Variants in NXPH2 observed in about 807,000 individuals in gnomAD.
The protein encoded by NXPH2 is neurexophilin-2.
A neutral mutation model predicts 19.8 loss-of-function variants in NXPH2; 5 were observed. The observed-to-expected ratio is 0.25, with a 90% CI of 0.13 to 0.53. The LOEUF (loss-of-function observed/expected upper bound fraction) is 0.53, where lower values mean the gene tolerates loss of function less well. Ranked by LOEUF, NXPH2 falls within the 20% of genes least tolerant of loss-of-function variation. NXPH2 has a pLI of 0.96. For missense variants in NXPH2, 289 were observed against 322.8 expected, an observed-to-expected ratio of 0.90 and a Z score of 0.80; for synonymous variants, 154 against 127.4, an observed-to-expected ratio of 1.21 and a Z score of -1.41.
At chr2:138,775,245 C>T (rs1008313198) in intron 1 of NXPH2, among the ~76,000 whole-genome samples, 1 of 151,868 alleles carries the variant, frequency 6.6e-6, no homozygotes, top group African/African-American at 2.4e-5. Context: ...TATTATATAC[C>T]AATCTTACAG....
chr2:138,710,032 C>T (rs187072162), intron 1 of NXPH2, among the ~76,000 whole-genome samples: 9 of 152,286 alleles, frequency 5.9e-5, no homozygotes, highest in Admixed American at 5.2e-4. Flanking sequence ...TCAAACTATT[C>T]CATCACTTCA....
At chr2:138,761,065 A>C (rs1201266766) in intron 1 of NXPH2, among the ~76,000 whole-genome samples, 1 of 152,008 alleles carries the variant, frequency 6.6e-6, no homozygotes, top group African/African-American at 2.4e-5. Context: ...TCTTATAGGG[A>C]TTTTCAGGGT....
At chr2:138,681,389 A>G (rs1485245822) in intron 1 of NXPH2, among the ~76,000 whole-genome samples, 2 of 152,188 alleles carry the variant, frequency 1.3e-5, no homozygotes, top group African/African-American at 4.8e-5. Context: ...CTATACTTTA[A>G]GAGAATGTTT....
intron 1 of NXPH2, among the ~76,000 whole-genome samples, chr2:138,687,393 T>A (rs951963813): frequency 1.3e-5 from 2 of 152,136 alleles, no homozygotes; most frequent in African/African-American, 4.8e-5. Flanking sequence ...GTCTTTTTGA[T>A]GGGGTTGTTT....
intron 1 of NXPH2, among the ~76,000 whole-genome samples, chr2:138,729,961 G>A (rs1033920738): frequency 2.0e-5 from 3 of 152,130 alleles, no homozygotes; most frequent in Non-Finnish European, 4.4e-5. Context: ...TTGTCTCACA[G>A]TCCTGGAGGT....
chr2:138,707,189 T>C (rs1336423308), intron 1 of NXPH2, among the ~76,000 whole-genome samples: 1 of 149,936 alleles, frequency 6.7e-6, no homozygotes, highest in African/African-American at 2.4e-5. Flanking sequence ...AATGACAAAC[T>C]TCAGTCAGGG....
intron 1 of NXPH2, among the ~76,000 whole-genome samples, chr2:138,753,239 ATT>A (rs1681851749): frequency 6.6e-6 from 1 of 152,126 alleles, no homozygotes; most frequent in African/African-American, 2.4e-5. Context: ...TCTAATGTTA[ATT>A]TACTCTGTTG....
intron 1 of NXPH2, among the ~76,000 whole-genome samples, chr2:138,732,511 T>C (rs2105000606): frequency 6.6e-6 from 1 of 152,302 alleles, no homozygotes; most frequent in Middle Eastern, 3.4e-3. Context: ...GGCTGTGCAC[T>C]TCCTTCCAAG....
In NXPH2 at chr2:138,705,028, T is replaced by A. The variant is rs549518139; in HGVS notation, c.52-33363A>T. ...TTTTAGTAGAGACAGGGTTTCACCA[T>A]GTTGGCCAGGCTGGTCTCAAACTCC... On this transcript the variant is annotated intron_variant, in intron 1 of 1. Coordinates refer to ENST00000272641, the MANE Select transcript of NXPH2 (RefSeq NM_007226.3). Among the ~76,000 whole-genome samples the A allele has an allele frequency of 6.8e-4, 103 of 152,266 alleles. 1 individual carries two copies. The highest frequency in any genetic ancestry group is 1.9e-3 in the Admixed American group (29 of 15,278).
intron 1 of NXPH2, among the ~76,000 whole-genome samples, chr2:138,732,748 C>A (rs1281065825): frequency 6.6e-6 from 1 of 152,060 alleles, no homozygotes; most frequent in Non-Finnish European, 1.5e-5. Context: ...TTCTGAAGTC[C>A]TAATAACTGG....
chr2:138,707,724 A>G (rs1211776639), intron 1 of NXPH2, among the ~76,000 whole-genome samples: 2 of 152,100 alleles, frequency 1.3e-5, no homozygotes, highest in African/African-American at 4.8e-5. Context: ...CTAACCATAT[A>G]TCCTTTATCC....
intron 1 of NXPH2, among the ~76,000 whole-genome samples, chr2:138,739,610 G>A (rs1681612086): frequency 1.3e-5 from 2 of 152,162 alleles, no homozygotes. Context: ...CATGGTGGGG[G>A]CAGGTTACTG....
intron 1 of NXPH2, among the ~76,000 whole-genome samples, chr2:138,746,703 G>A (rs138292045): frequency 8.1e-4 from 123 of 152,134 alleles, no homozygotes; most frequent in African/African-American, 2.7e-3. Flanking sequence ...ACTCACCTTG[G>A]CCTCTCTTAC....
chr2:138,771,602 G>A (rs751900470), intron 1 of NXPH2, among the ~76,000 whole-genome samples: 3 of 152,180 alleles, frequency 2.0e-5, no homozygotes, highest in East Asian at 3.8e-4. Flanking sequence ...AAGGGAGCAG[G>A]GCAGCTGGTG....
At chr2:138,729,256 T>C (rs1018025070) in intron 1 of NXPH2, among the ~76,000 whole-genome samples, 1 of 152,166 alleles carries the variant, frequency 6.6e-6, no homozygotes, top group Non-Finnish European at 1.5e-5. Flanking sequence ...ATGGGGGTGG[T>C]TTCCCTCATG....
chr2:138,714,884 C>T (rs1248894432), intron 1 of NXPH2, among the ~76,000 whole-genome samples: 2 of 152,038 alleles, frequency 1.3e-5, no homozygotes, highest in Non-Finnish European at 2.9e-5. Context: ...ATGTATTTTC[C>T]AGAACTGATG....
chr2:138,688,043 A>C (rs1680688238), intron 1 of NXPH2, among the ~76,000 whole-genome samples: 1 of 152,104 alleles, frequency 6.6e-6, no homozygotes, highest in South Asian at 2.1e-4. Flanking sequence ...GTTCCATGTG[A>C]ACTTTAAAGT....
rs11299940 is a variant in NXPH2, at chr2:138,777,831, T to TAAAAAAAAA, written c.51+2351_51+2359dup. ...CTTCACTCCTCCCTCACCAAAAAAT[T>TAAAAAAAAA]AAAAAAAAAAAAAAAAAAAAAAAGC... On this transcript the variant is annotated intron_variant, in intron 1 of 1. Coordinates refer to ENST00000272641, the MANE Select transcript of NXPH2 (RefSeq NM_007226.3). Among the ~76,000 whole-genome samples, 11 of 92,952 alleles carry TAAAAAAAAA rather than the reference T, an allele frequency of 1.2e-4. 1 individual carries two copies. The highest frequency in any genetic ancestry group is 1.0e-4 in the Non-Finnish European group (5 of 50,084). 61.0% of individuals were successfully genotyped at this position (92,952 alleles called of 152,430 possible). A position where few individuals can be genotyped will look rare whatever the true frequency, so the allele number is the denominator to read the frequency against.
In NXPH2 at chr2:138,700,287, C is replaced by G. The variant is rs184203363; in HGVS notation, c.52-28622G>C. Among the ~76,000 whole-genome samples, 43 of 152,196 alleles carry G rather than the reference C, an allele frequency of 2.8e-4. No homozygotes were observed. In the East Asian group the frequency reaches 8.3e-3, roughly 29 times the overall value. On this transcript the variant is annotated intron_variant, in intron 1 of 1. Coordinates refer to ENST00000272641, the MANE Select transcript of NXPH2 (RefSeq NM_007226.3). ...TTGAGTAGGCTGTATAATAACCAAG[C>G]CTTTAGGAAAATACATATTTAGCAC...
Sources: gnomAD v4.1 joint callset for allele counts (sites outside exome capture counted in the v4.1 genomes callset) on GRCh38, gnomAD v4.1.1 for gene constraint, MANE v1.5 for transcripts, NCBI Gene and HGNC (gene_info 2026-07-23, HGNC 2026-07-21) for gene names.